APOBEC3H: variants seen among roughly 807,000 people sequenced by gnomAD.
APOBEC3H encodes apolipoprotein B mRNA editing enzyme catalytic subunit 3H.
A neutral mutation model predicts 21.2 loss-of-function variants in APOBEC3H; 8 were observed. The observed-to-expected ratio is 0.38, with a 90% CI of 0.22 to 0.68. The LOEUF (loss-of-function observed/expected upper bound fraction) is 0.68. Among genes scored for constraint, APOBEC3H ranks in the 30% least tolerant of loss-of-function variants. The pLI is 0.52. For synonymous variants in APOBEC3H, 88 were observed against 91.0 expected, an observed-to-expected ratio of 0.97 and a Z score of 0.19; for missense variants, 229 against 228.1, an observed-to-expected ratio of 1.00 and a Z score of -0.03.
At position 39,101,818 on chromosome 22, in the gene APOBEC3H, G is replaced by A. The variant is rs1601538841; in HGVS notation, c.419-100G>A. 4.4e-6 allele frequency: 7 copies of A among 1,573,516 alleles called. No homozygotes were observed. The East Asian group carries it at 1.6e-4, about 35-fold the overall frequency. ...GGGAGAATTCCCCAGACAGAGCAAT[G>A]TCCAGGGAGAGGAAGAGAAGAGAGG... On this transcript the variant is annotated intron_variant, in intron 3 of 4. Transcript: ENST00000442487.
intron 1 of APOBEC3H, among the ~76,000 whole-genome samples, chr22:39,097,957 T>C (rs1929096830): frequency 6.6e-6 from 1 of 152,170 alleles, no homozygotes; most frequent in Non-Finnish European, 1.5e-5. Flanking sequence ...AAAAACTCAA[T>C]GATCAGGAGA....
At chr22:39,099,821 G>A (rs1170963877) in intron 1 of APOBEC3H, among the ~76,000 whole-genome samples, 1 of 152,006 alleles carries the variant, frequency 6.6e-6, no homozygotes, top group Non-Finnish European at 1.5e-5. Flanking sequence ...AGTCCTCCTG[G>A]CCAACAACTA....
chr22:39,101,738 C>A (rs1481485794), intron 3 of APOBEC3H, among the ~76,000 whole-genome samples, 180 bp from the exon 4 acceptor site: 3 of 148,654 alleles, frequency 2.0e-5, no homozygotes, highest in Non-Finnish European at 4.5e-5. Context: ...CTGTGGGAGG[C>A]CAGGAAGGAA....
At chr22:39,098,370 C>T (rs1464241929) in intron 1 of APOBEC3H, among the ~76,000 whole-genome samples, 2 of 152,152 alleles carry the variant, frequency 1.3e-5, no homozygotes, top group Non-Finnish European at 2.9e-5. Context: ...CAAAATGGCT[C>T]ATGCCTGTAA....
chr22:39,102,700 C>G (rs1205219379), intron 4 of APOBEC3H: 1 of 601,786 alleles, frequency 1.7e-6, no homozygotes, highest in Non-Finnish European at 3.0e-6. Flanking sequence ...GTACCTCTCA[C>G]CATATACAAA....
rs1474218558 is a variant in APOBEC3H, at chr22:39,101,359, G to A, written c.273G>A (p.Glu91=). The change falls in exon 3 of 5, where the codon GAG becomes GAA. Residue 91 remains glutamate (E), a synonymous_variant. Coordinates refer to ENST00000442487, the MANE Select transcript of APOBEC3H (RefSeq NM_181773.5). The part of the protein sequence containing the change: ...TWSPCSSCAW[E]LVDFIKAHDH... ...GCCCCTGCTCCTCCTGTGCCTGGGA[G>A]CTGGTTGACTTCATCAAGGCTCACG... 6.2e-7 allele frequency: 1 copy of A among 1,612,962 alleles called. No individual in the cohort carries two copies. The highest frequency in any genetic ancestry group is 8.5e-7 in the Non-Finnish European group (1 of 1,179,838).
At chr22:39,098,456 A>G (rs973082145) in intron 1 of APOBEC3H, among the ~76,000 whole-genome samples, 2 of 152,154 alleles carry the variant, frequency 1.3e-5, no homozygotes, top group Non-Finnish European at 2.9e-5. Context: ...TGGGCAACAC[A>G]GGGAGACCCC....
At chr22:39,098,561 G>A (rs935998931) in intron 1 of APOBEC3H, among the ~76,000 whole-genome samples, 1 of 152,182 alleles carries the variant, frequency 6.6e-6, no homozygotes, top group African/African-American at 2.4e-5. Flanking sequence ...CTCTTATTTT[G>A]AAGGGGAGAA....
At chr22:39,100,154 CAG>C in intron 1 of APOBEC3H, 116 bp from the exon 2 acceptor site, 1 of 1,122,022 alleles carries the variant, frequency 8.9e-7, no homozygotes, top group East Asian at 2.4e-5. Flanking sequence ...GCCTGGGCGA[CAG>C]AGCGAGACTC....
At chr22:39,100,146 C>T (rs1358104787) in intron 1 of APOBEC3H, 126 bp from the exon 2 acceptor site, 1 of 1,043,460 alleles carries the variant, frequency 9.6e-7, no homozygotes, top group East Asian at 2.4e-5. Flanking sequence ...GCACTCCAGC[C>T]TGGGCGACAG....
At chr22:39,102,231 C>T (rs1348075633) in intron 4 of APOBEC3H, among the ~76,000 whole-genome samples, 189 bp downstream of exon 4, 1 of 151,160 alleles carries the variant, frequency 6.6e-6, no homozygotes, top group Admixed American at 6.6e-5. Flanking sequence ...TCAGTGCAAC[C>T]TCTGCCTCCC....
chr22:39,099,871 G>A (rs1332239530), intron 1 of APOBEC3H, among the ~76,000 whole-genome samples: 2 of 152,152 alleles, frequency 1.3e-5, no homozygotes, highest in Non-Finnish European at 2.9e-5. Context: ...GGGCCCAAAT[G>A]AACAGAAAGG....
At chr22:39,100,211 GC>G (rs1453690597) in intron 1 of APOBEC3H, 60 bp from the exon 2 acceptor site, 1 of 1,568,992 alleles carries the variant, frequency 6.4e-7, no homozygotes, top group Non-Finnish European at 8.7e-7. Flanking sequence ...AGTGGCTTGA[GC>G]CTGGGGTGAC....
chr22:39,100,668 A>G (rs1929260667), intron 2 of APOBEC3H: 1 of 519,156 alleles, frequency 1.9e-6, no homozygotes. Context: ...ACCCTTCTGT[A>G]GAATGCTCCT....
At chr22:39,099,048 A>G (rs1447001676) in intron 1 of APOBEC3H, among the ~76,000 whole-genome samples, 2 of 152,120 alleles carry the variant, frequency 1.3e-5, no homozygotes, top group Admixed American at 6.5e-5. Flanking sequence ...TACAAAAATT[A>G]GCCGGGCATG....
rs745740699 is a variant in APOBEC3H, at chr22:39,101,881, C to T, written c.419-37C>T. The T allele has an allele frequency of 1.7e-5, 27 of 1,613,704 alleles. No homozygotes were observed. The East Asian group carries it at 2.7e-4, about 16-fold the overall frequency. Reference sequence around the variant, plus strand: ...AGAGCTCCTGGCACTGCAGCTGCTGCCCCTGGGGCCTGGCTGGTTTCCCTC... The same window carrying T: ...AGAGCTCCTGGCACTGCAGCTGCTGTCCCTGGGGCCTGGCTGGTTTCCCTC... On this transcript the variant is annotated intron_variant, in intron 3 of 4. Coordinates refer to ENST00000442487, the MANE Select transcript of APOBEC3H (RefSeq NM_181773.5).
chr22:39,101,915 CAG>C lies in APOBEC3H; in HGVS notation c.419_420del, dbSNP rs754836408. The C allele has an allele frequency of 1.2e-6, 2 of 1,613,906 alleles. No homozygotes were observed. The highest frequency in any genetic ancestry group is 4.5e-5 in the East Asian group (2 of 44,858). On this transcript the variant is annotated splice_acceptor_variant, in intron 3 of 4. Transcript: ENST00000442487. LOFTEE classifies it high-confidence loss of function. ...CCTGGCTGGTTTCCCTCTTCCCTCTCAGAGTTTGCTGACTGCTGGGAAAACTT... is the reference window on the plus strand; with the variant it reads ...CCTGGCTGGTTTCCCTCTTCCCTCTCAGTTTGCTGACTGCTGGGAAAACTT...
At chr22:39,101,767 G>C (rs1929366945) in intron 3 of APOBEC3H, 151 bp from the exon 4 acceptor site, 1 of 1,254,584 alleles carries the variant, frequency 8.0e-7, no homozygotes, top group Non-Finnish European at 1.1e-6. Context: ...GCTCAGTCAA[G>C]GCCCAAGATC....
rs1242866955 is a variant in APOBEC3H at position 39,103,710 on chromosome 22, T to C, written c.*13T>C. 6.2e-7 allele frequency: 1 copy of C among 1,614,094 alleles called. No homozygotes were observed. Among genetic ancestry groups the C allele is most frequent in the Non-Finnish European group, 8.5e-7 (1 of 1,179,938 alleles). ...TCAGCAGTCCTGAAGTGTGGATGTTTTAGAGAATGACTTAAGAAGTTTGCA... is the reference window on the plus strand; with the variant it reads ...TCAGCAGTCCTGAAGTGTGGATGTTCTAGAGAATGACTTAAGAAGTTTGCA... On this transcript the variant is annotated 3_prime_UTR_variant, in exon 5 of 5. Coordinates refer to ENST00000442487, the MANE Select transcript of APOBEC3H (RefSeq NM_181773.5).
Sources: gnomAD v4.1 joint callset for allele counts (sites outside exome capture counted in the v4.1 genomes callset) on GRCh38, gnomAD v4.1.1 for gene constraint, MANE v1.5 for transcripts, NCBI Gene and HGNC (gene_info 2026-07-23, HGNC 2026-07-21) for gene names.